OR7E24: variants seen among roughly 807,000 people sequenced by gnomAD.
The protein encoded by OR7E24 is olfactory receptor 7E24.
For missense variants in OR7E24, 385 were observed against 410.3 expected, an observed-to-expected ratio of 0.94 and a Z score of 0.53; for synonymous variants, 130 against 157.5, an observed-to-expected ratio of 0.83 and a Z score of 1.31.
chr19:9,241,196 T>G, the OR7E24 span, among the ~76,000 whole-genome samples: 25 of 152,344 alleles, frequency 1.6e-4, no homozygotes, highest in African/African-American at 5.5e-4. Flanking sequence ...GCATCGAGTT[T>G]GTTCTTGGAA....
chr19:9,238,252 C>T, the OR7E24 span, among the ~76,000 whole-genome samples: 1 of 146,380 alleles, frequency 6.8e-6, no homozygotes, highest in Non-Finnish European at 1.5e-5. Flanking sequence ...GAGCAAGTGA[C>T]AGCCTGGGTG....
At chr19:9,241,325 T>TA in the OR7E24 span, among the ~76,000 whole-genome samples, 6 of 152,128 alleles carry the variant, frequency 3.9e-5, no homozygotes, top group African/African-American at 1.4e-4. Context: ...ATTGGGTTTA[T>TA]AAAAAGGTCA....
chr19:9,216,812 G>C, the OR7E24 span, among the ~76,000 whole-genome samples: 1 of 152,160 alleles, frequency 6.6e-6, no homozygotes, highest in Non-Finnish European at 1.5e-5. Flanking sequence ...GGTTGGTTTT[G>C]AACTCCTGGG....
the OR7E24 span, among the ~76,000 whole-genome samples, chr19:9,236,873 C>T: frequency 1.1e-3 from 163 of 152,246 alleles, no homozygotes; most frequent in African/African-American, 3.9e-3. Context: ...ATATTCAAAG[C>T]AAAGTACTTA....
the OR7E24 span, among the ~76,000 whole-genome samples, chr19:9,215,311 C>G: frequency 1.4e-5 from 2 of 141,814 alleles, no homozygotes; most frequent in Non-Finnish European, 3.0e-5. Context: ...GCACTGCACT[C>G]CAGCCTGGTG....
upstream of OR7E24, among the ~76,000 whole-genome samples, chr19:9,242,975 G>T (rs1028049372): frequency 1.3e-5 from 2 of 150,178 alleles, no homozygotes; most frequent in African/African-American, 4.9e-5. Flanking sequence ...TCCCATAATT[G>T]CAGTTTTATG....
the OR7E24 span, chr19:9,209,049 T>C: frequency 6.6e-6 from 1 of 152,238 alleles, no homozygotes; most frequent in South Asian, 2.1e-4. Context: ...GCTTTGTTGT[T>C]GGCACTTTTA....
rs553025686 is a variant in OR7E24, at chr19:9,252,043, C to A, written c.1000C>A (p.Pro334Thr). 1 of 1,613,732 alleles carries A rather than the reference C, an allele frequency of 6.2e-7. No individual in the cohort carries two copies. Among genetic ancestry groups the A allele is most frequent in the Admixed American group, 1.7e-5 (1 of 60,012 alleles). Residue 334 changes from proline (P) to threonine (T), a missense_variant, in exon 1 of 1, where the codon CCT (proline) becomes ACT (threonine). Coordinates refer to ENST00000456448, the MANE Select transcript of OR7E24 (RefSeq NM_001079935.2). ...AATCATCAAATCTCATCATCTCCAT[C>A]CTTTTTGTTATATGGGATAGAAATG... ...GRIIKSHHLH[P>T]FCYMG
In OR7E24 at chr19:9,251,694, A is replaced by G. The variant is rs765373309; in HGVS notation, c.651A>G (p.Ile217Met). The G allele has an allele frequency of 1.2e-6, 2 of 1,613,688 alleles. No individual in the cohort carries two copies. The highest frequency in any genetic ancestry group is 1.7e-6 in the Non-Finnish European group (2 of 1,179,734). The change falls in exon 1 of 1, where the codon ATA becomes ATG. Residue 217 changes from isoleucine to methionine, a missense_variant. Physicochemically the swap from Ile to Met is conservative, Grantham distance 10. Coordinates refer to ENST00000456448, the MANE Select transcript of OR7E24 (RefSeq NM_001079935.2). ...CSDTFINEMV[I>M]YFMGAIFGCL... ...ACACCTTCATCAATGAAATGGTCAT[A>G]TATTTCATGGGTGCCATATTTGGCT... is the stretch of plus-strand genomic sequence containing the variant.
the OR7E24 span, among the ~76,000 whole-genome samples, chr19:9,237,944 C>T: frequency 6.6e-6 from 1 of 152,082 alleles, no homozygotes; most frequent in Non-Finnish European, 1.5e-5. Flanking sequence ...GTATAAAGTT[C>T]TAGTATCTCC....
the OR7E24 span, among the ~76,000 whole-genome samples, chr19:9,237,298 AATTTATTT>A: frequency 6.7e-5 from 10 of 149,024 alleles, no homozygotes; most frequent in South Asian, 2.1e-3. Context: ...GTTTTTTTAA[AATTTATTT>A]ATTTATTTAT....
At chr19:9,247,376 G>A (rs199814590), upstream of OR7E24, 11 of 397,938 alleles carry the variant, frequency 2.8e-5, no homozygotes, top group Admixed American at 1.8e-4. Context: ...CACACCTGTC[G>A]TCTGCATCAG....
At chr19:9,229,367 TA>T in the OR7E24 span, among the ~76,000 whole-genome samples, 10 of 150,258 alleles carry the variant, frequency 6.7e-5, no homozygotes, top group Non-Finnish European at 1.3e-4. Context: ...CCATCTCTAC[TA>T]AAAAAAAACT....
At chr19:9,210,748 C>T in the OR7E24 span, 1 of 151,444 alleles carries the variant, frequency 6.6e-6, no homozygotes, top group African/African-American at 2.4e-5. Context: ...AGTTCTCCGC[C>T]TGAAGTGAGA....
At chr19:9,225,274 G>A in the OR7E24 span, among the ~76,000 whole-genome samples, 1 of 152,022 alleles carries the variant, frequency 6.6e-6, no homozygotes, top group Non-Finnish European at 1.5e-5. Flanking sequence ...GGAGGCTGAG[G>A]CAAGAGAACT....
the OR7E24 span, among the ~76,000 whole-genome samples, chr19:9,238,891 AGATAGAATACATTTCTTTATATTTCT>A: frequency 6.6e-6 from 1 of 152,222 alleles, no homozygotes; most frequent in African/African-American, 2.4e-5. Flanking sequence ...TCCATTGTGC[AGATAGAATACATTTCTTTATATTTCT>A]GATGATGAGT....
At chr19:9,229,405 G>A in the OR7E24 span, among the ~76,000 whole-genome samples, 44 of 151,954 alleles carry the variant, frequency 2.9e-4, no homozygotes, top group African/African-American at 9.9e-4. Flanking sequence ...CGTGGTGGCA[G>A]GTGCCTGTAA....
upstream of OR7E24, among the ~76,000 whole-genome samples, chr19:9,248,667 C>G (rs2066137152): frequency 6.6e-6 from 1 of 152,212 alleles, no homozygotes; most frequent in Non-Finnish European, 1.5e-5. Flanking sequence ...CAGGATCACT[C>G]AGGGCGCATC....
At chr19:9,244,292 A>G (rs903119984), upstream of OR7E24, among the ~76,000 whole-genome samples, 9 of 152,244 alleles carry the variant, frequency 5.9e-5, no homozygotes, top group Admixed American at 4.6e-4. Context: ...CTGGTTTCCA[A>G]ATAAACTACA....
Sources: gnomAD v4.1 joint callset for allele counts (sites outside exome capture counted in the v4.1 genomes callset) on GRCh38, gnomAD v4.1.1 for gene constraint, MANE v1.5 for transcripts, NCBI Gene and HGNC (gene_info 2026-07-23, HGNC 2026-07-21) for gene names.